Variants in ALPK1 observed in about 807,000 individuals in gnomAD.
The protein encoded by ALPK1 is alpha-protein kinase 1.
In ALPK1, 110 loss-of-function variants were observed where a neutral mutation model predicts 120.6. The ratio of observed to expected loss-of-function variants is 0.91; its 90% CI spans 0.78 to 1.07. The LOEUF is 1.07. Ranked by LOEUF, ALPK1 falls within the 50% of genes least tolerant of loss-of-function variation. The probability of loss-of-function intolerance (pLI) is 0.00; values close to 1 mark genes in which losing one functional copy is unlikely to be tolerated. For synonymous variants in ALPK1, 582 were observed against 560.3 expected (o/e 1.04, Z -0.55); for missense variants, 1,498 against 1,483.9 (o/e 1.01, Z -0.16).
At chr4:112,337,655 A>T (rs560553752) in intron 2 of ALPK1, among the ~76,000 whole-genome samples, 24 of 152,214 alleles carry the variant, frequency 1.6e-4, no homozygotes, top group Non-Finnish European at 3.4e-4. Context: ...GTGAGCTACA[A>T]TCATGCCACT....
chr4:112,424,763 ATG>A (rs1212982155), intron 6 of ALPK1, among the ~76,000 whole-genome samples: 1 of 152,154 alleles, frequency 6.6e-6, no homozygotes, highest in African/African-American at 2.4e-5. Context: ...TCTTGTCATC[ATG>A]TGTGTGTGCA....
At chr4:112,419,849 A>G (rs1362675133) in intron 5 of ALPK1, among the ~76,000 whole-genome samples, 1 of 152,176 alleles carries the variant, frequency 6.6e-6, no homozygotes, top group Non-Finnish European at 1.5e-5. Context: ...TATCCTCTGT[A>G]AGGCCCATTT....
intron 2 of ALPK1, among the ~76,000 whole-genome samples, chr4:112,327,721 A>G (rs1169404155): frequency 6.6e-6 from 1 of 152,246 alleles, no homozygotes; most frequent in African/African-American, 2.4e-5. Context: ...CTGGGATTAC[A>G]GCTGTGAGCC....
chr4:112,326,102 T>C lies in ALPK1; in HGVS notation c.-101+10250T>C, dbSNP rs545111168. 5.0e-4 allele frequency among the ~76,000 whole-genome samples: 76 copies of C among 152,190 alleles called. 1 individual carries two copies. Among genetic ancestry groups the C allele is most frequent in the Non-Finnish European group, 9.1e-4 (62 of 68,026 alleles). On this transcript the variant is annotated intron_variant, in intron 2 of 15. Coordinates refer to ENST00000650871, the MANE Select transcript of ALPK1 (RefSeq NM_025144.4). ...TATGGAAACCATCATCCCTTTATCT[T>C]TGAAAGTCTTTGCAGTAGAGATGAT...
In ALPK1 at chr4:112,351,215, G is replaced by A. The variant is rs547798453; in HGVS notation, c.-100-26463G>A. ...CCGGGAGGTAACCCATTCATGACCC[G>A]GAACACTCTCATTGCACTTCCTTGA... On this transcript the variant is annotated intron_variant, in intron 2 of 15. Transcript: ENST00000650871. 4.9e-4 allele frequency among the ~76,000 whole-genome samples: 74 copies of A among 152,070 alleles called. 1 individual carries two copies. In the Middle Eastern group the frequency reaches 0.01, roughly 21 times the overall value.
intron 13 of ALPK1, 47 bp from the exon 14 acceptor site, chr4:112,439,639 A>G (rs1438410999): frequency 2.6e-6 from 4 of 1,512,980 alleles, no homozygotes; most frequent in African/African-American, 2.8e-5. Context: ...TCCAAAGACA[A>G]TGGCCTTTAC....
At chr4:112,334,710 T>C (rs1412419884) in intron 2 of ALPK1, among the ~76,000 whole-genome samples, 1 of 152,170 alleles carries the variant, frequency 6.6e-6, no homozygotes, top group African/African-American at 2.4e-5. Flanking sequence ...GAATTTTACC[T>C]ATTATTTTAA....
chr4:112,366,493 T>C (rs1167864065), intron 2 of ALPK1, among the ~76,000 whole-genome samples: 1 of 152,158 alleles, frequency 6.6e-6, no homozygotes, highest in Non-Finnish European at 1.5e-5. Context: ...ATTTTAGCCA[T>C]TATGTGATAC....
intron 12 of ALPK1, among the ~76,000 whole-genome samples, chr4:112,437,219 A>G (rs1004696310): frequency 6.6e-6 from 1 of 151,384 alleles, no homozygotes; most frequent in African/African-American, 2.5e-5. Flanking sequence ...TCATAGCAAC[A>G]ATGGAATTCA....
chr4:112,368,164 C>A (rs1295267034), intron 2 of ALPK1, among the ~76,000 whole-genome samples: 1 of 152,194 alleles, frequency 6.6e-6, no homozygotes, highest in Non-Finnish European at 1.5e-5. Context: ...GTGATCCACC[C>A]ACCTCCACCT....
chr4:112,334,967 T>C (rs1729545813), intron 2 of ALPK1, among the ~76,000 whole-genome samples: 1 of 152,124 alleles, frequency 6.6e-6, no homozygotes, highest in African/African-American at 2.4e-5. Context: ...TATGTTAAGA[T>C]CCTTTTTTAA....
chr4:112,370,191 C>G (rs1468807142), intron 2 of ALPK1, among the ~76,000 whole-genome samples: 4 of 152,182 alleles, frequency 2.6e-5, no homozygotes, highest in Non-Finnish European at 5.9e-5. Context: ...TATCCCATAA[C>G]TAAGCCACTC....
intron 11 of ALPK1, among the ~76,000 whole-genome samples, chr4:112,434,244 A>G (rs970131294): frequency 1.3e-5 from 2 of 152,010 alleles, no homozygotes; most frequent in African/African-American, 2.4e-5. Context: ...TCTTCTCTCA[A>G]TTTATCACCC....
chr4:112,362,685 T>A (rs968189002), intron 2 of ALPK1, among the ~76,000 whole-genome samples: 1 of 152,204 alleles, frequency 6.6e-6, no homozygotes, highest in Non-Finnish European at 1.5e-5. Context: ...AAGAAAAAGT[T>A]CCCTGTCCTT....
In ALPK1 at chr4:112,431,672, A is replaced by G. The variant is rs1446333687; in HGVS notation, c.2125A>G (p.Thr709Ala). The stretch of plus-strand genomic sequence containing the variant: ...AGTCAGAAATATGGGACCCAGAAAT[A>G]CTTCTGCTCACTCCAGACCCTCATA... ...QEVRNMGPRNTSAHSRPSYRS... is the reference protein window; with the variant it reads ...QEVRNMGPRNASAHSRPSYRS... Residue 709 changes from threonine to alanine, a missense_variant, in exon 11 of 16, where the codon ACT becomes GCT. Coordinates refer to ENST00000650871, the MANE Select transcript of ALPK1 (RefSeq NM_025144.4). 1 of 1,614,136 alleles carries G rather than the reference A, an allele frequency of 6.2e-7. No individual in the cohort carries two copies. The highest frequency in any genetic ancestry group is 1.7e-5 in the Admixed American group (1 of 60,012).
intron 2 of ALPK1, among the ~76,000 whole-genome samples, chr4:112,338,474 C>CT (rs1216669065): frequency 1.3e-5 from 2 of 152,006 alleles, no homozygotes; most frequent in African/African-American, 2.4e-5. Context: ...AAAGTCTATA[C>CT]TTTTTTTACC....
Position 112,431,646 on chromosome 4 carries a change from A to G in ALPK1, c.2099A>G (p.Glu700Gly), listed in dbSNP as rs777250249. ...LLEGAPEGIQ[E>G]VRNMGPRNTS... ...GAAGGAGCTCCAGAAGGTATCCAGG[A>G]AGTCAGAAATATGGGACCCAGAAAT... Residue 700 changes from glutamate (E) to glycine (G), a missense_variant, in exon 11 of 16, where the codon GAA (glutamate) becomes GGA (glycine). By Grantham distance (98) the Glu-to-Gly change is moderately conservative. Coordinates refer to ENST00000650871, the MANE Select transcript of ALPK1 (RefSeq NM_025144.4). 3 of 1,614,042 alleles carry G rather than the reference A, an allele frequency of 1.9e-6. No individual in the cohort carries two copies. In the African/African-American group the frequency reaches 4.0e-5, roughly 22 times the overall value.
intron 2 of ALPK1, among the ~76,000 whole-genome samples, chr4:112,350,408 C>T (rs1301469590): frequency 6.6e-6 from 1 of 152,178 alleles, no homozygotes; most frequent in Non-Finnish European, 1.5e-5. Context: ...ATGTACGTAT[C>T]ACACCAACAT....
At chr4:112,384,306 T>C (rs1009980166) in intron 4 of ALPK1, 12 of 152,248 alleles carry the variant, frequency 7.9e-5, no homozygotes, top group Non-Finnish European at 1.8e-4. Flanking sequence ...TAAAGTAAGC[T>C]GTAGGCCATC....
Sources: gnomAD v4.1 joint callset for allele counts (sites outside exome capture counted in the v4.1 genomes callset) on GRCh38, gnomAD v4.1.1 for gene constraint, MANE v1.5 for transcripts, NCBI Gene and HGNC (gene_info 2026-07-23, HGNC 2026-07-21) for gene names.